Variants in PARP8 observed in about 807,000 individuals in gnomAD.
PARP8 encodes protein mono-ADP-ribosyltransferase PARP8.
Under a neutral mutation model 124.1 loss-of-function variants are expected in PARP8, and 51 were observed. The ratio of observed to expected loss-of-function variants is 0.41; its 90% confidence interval spans 0.33 to 0.52. The LOEUF (loss-of-function observed/expected upper bound fraction) is 0.52. PARP8 is among the 20% of genes least tolerant of loss of function. The probability of loss-of-function intolerance (pLI) is 0.21; values close to 1 mark genes in which losing one functional copy is unlikely to be tolerated. For missense variants in PARP8, 860 were observed against 1,018.9 expected (o/e 0.84, Z 2.12); for synonymous variants, 391 against 361.5 (o/e 1.08, Z -0.93).
intron 16 of PARP8, 25 bp downstream of exon 16, chr5:50,821,363 A>G (rs762629347): frequency 5.0e-6 from 8 of 1,612,588 alleles, no homozygotes; most frequent in South Asian, 1.1e-5. Flanking sequence ...TGGCACACCA[A>G]TCACAAAGTT....
At chr5:50,817,305 T>A (rs1745210843) in intron 15 of PARP8, among the ~76,000 whole-genome samples, 1 of 152,186 alleles carries the variant, frequency 6.6e-6, no homozygotes, top group Non-Finnish European at 1.5e-5. Context: ...ATTCTAAAAA[T>A]CAATATCAAA....
intron 2 of PARP8, among the ~76,000 whole-genome samples, chr5:50,705,554 G>T (rs1321091277): frequency 1.3e-5 from 2 of 152,188 alleles, no homozygotes; most frequent in African/African-American, 4.8e-5. Context: ...GGAGGCCAAG[G>T]CATGTGAATC....
chr5:50,759,466 C>T (rs1760314386), intron 3 of PARP8, among the ~76,000 whole-genome samples, 177 bp from the exon 4 acceptor site: 2 of 152,160 alleles, frequency 1.3e-5, no homozygotes, highest in Non-Finnish European at 2.9e-5. Flanking sequence ...TTTACAATTA[C>T]TTCACACATA....
chr5:50,724,857 C>G (rs1451251071), intron 2 of PARP8, among the ~76,000 whole-genome samples: 1 of 151,802 alleles, frequency 6.6e-6, no homozygotes, highest in Non-Finnish European at 1.5e-5. Flanking sequence ...CCCCCTTCCT[C>G]CCTCCCACTC....
intron 21 of PARP8, 76 bp downstream of exon 21, chr5:50,828,460 G>A: frequency 7.5e-7 from 1 of 1,329,466 alleles, no homozygotes; most frequent in South Asian, 1.2e-5. Context: ...CTGTTGTTAG[G>A]TTTAACTTGC....
intron 2 of PARP8, among the ~76,000 whole-genome samples, chr5:50,684,855 G>A (rs1419283205): frequency 6.6e-6 from 1 of 152,152 alleles, no homozygotes. Flanking sequence ...GGATTACGGT[G>A]TATTTGTAGG....
intron 2 of PARP8, among the ~76,000 whole-genome samples, chr5:50,747,676 C>T (rs1758739918): frequency 6.7e-6 from 1 of 150,150 alleles, no homozygotes; most frequent in Admixed American, 6.7e-5. Flanking sequence ...TTATTGTTTG[C>T]ATGGTGTATC....
chr5:50,767,607 G>C (rs1761184114), intron 7 of PARP8, among the ~76,000 whole-genome samples: 1 of 152,214 alleles, frequency 6.6e-6, no homozygotes, highest in Non-Finnish European at 1.5e-5. Context: ...CTTATGCACA[G>C]TTTTACATGA....
chr5:50,723,984 T>A (rs1313197832), intron 2 of PARP8, among the ~76,000 whole-genome samples: 1 of 152,104 alleles, frequency 6.6e-6, no homozygotes, highest in Non-Finnish European at 1.5e-5. Context: ...CATTTTTAAA[T>A]TAAAAAAGAA....
At chr5:50,737,965 A>C (rs1413163947) in intron 2 of PARP8, among the ~76,000 whole-genome samples, 2 of 152,218 alleles carry the variant, frequency 1.3e-5, no homozygotes, top group Non-Finnish European at 2.9e-5. Context: ...ACTTTACACA[A>C]TCTTATGAGA....
At chr5:50,820,081 T>C (rs1397837308) in intron 15 of PARP8, among the ~76,000 whole-genome samples, 1 of 152,274 alleles carries the variant, frequency 6.6e-6, no homozygotes, top group East Asian at 1.9e-4. Flanking sequence ...ACTCGGGGCA[T>C]GTTATGTCTG....
At chr5:50,703,634 T>C (rs541508808) in intron 2 of PARP8, among the ~76,000 whole-genome samples, 1 of 152,298 alleles carries the variant, frequency 6.6e-6, no homozygotes, top group South Asian at 2.1e-4. Context: ...GAATTTGCCA[T>C]GTGTTCTCTA....
At chr5:50,771,842 A>G (rs564565531) in intron 7 of PARP8, among the ~76,000 whole-genome samples, 3 of 152,304 alleles carry the variant, frequency 2.0e-5, no homozygotes, top group East Asian at 1.9e-4. Flanking sequence ...ACCACCACAA[A>G]CATTGATCTT....
At chr5:50,832,876 C>T in intron 23 of PARP8, 22 bp downstream of exon 23, 1 of 1,607,998 alleles carries the variant, frequency 6.2e-7, no homozygotes. Context: ...ACTTTAGTGA[C>T]TGCTTATGAT....
intron 10 of PARP8, among the ~76,000 whole-genome samples, chr5:50,790,559 T>C (rs1249784968): frequency 6.6e-6 from 1 of 152,206 alleles, no homozygotes; most frequent in African/African-American, 2.4e-5. Flanking sequence ...TACAAACTTT[T>C]ATTTTTAAGT....
At chr5:50,741,585 A>G (rs1409518990) in intron 2 of PARP8, among the ~76,000 whole-genome samples, 1 of 152,188 alleles carries the variant, frequency 6.6e-6, no homozygotes, top group Non-Finnish European at 1.5e-5. Context: ...TGACTTGGCC[A>G]CTTCCCTAAA....
chr5:50,715,987 A>G (rs1251648297), intron 2 of PARP8, among the ~76,000 whole-genome samples: 1 of 152,102 alleles, frequency 6.6e-6, no homozygotes, highest in Non-Finnish European at 1.5e-5. Context: ...CACTTGGACA[A>G]AAGTACATAT....
At chr5:50,776,780 T>TA (rs1332689488) in intron 7 of PARP8, among the ~76,000 whole-genome samples, 3 of 152,180 alleles carry the variant, frequency 2.0e-5, no homozygotes, top group African/African-American at 7.2e-5. Context: ...CTGAACTCTA[T>TA]AAAAGTGCCA....
At chr5:50,794,056 T>A in intron 10 of PARP8, 151 bp from the exon 11 acceptor site, 1 of 764,618 alleles carries the variant, frequency 1.3e-6, no homozygotes, top group South Asian at 2.4e-5. Context: ...TTCCTACATA[T>A]GAAAAATCTT....
Sources: gnomAD v4.1 joint callset for allele counts (sites outside exome capture counted in the v4.1 genomes callset) on GRCh38, gnomAD v4.1.1 for gene constraint, MANE v1.5 for transcripts, NCBI Gene and HGNC (gene_info 2026-07-23, HGNC 2026-07-21) for gene names.